The following NEK6 variants were observed in gnomAD, a reference collection of about 807,000 sequenced individuals.
NEK6 encodes NIMA related kinase 6.
A neutral mutation model predicts 43.5 loss-of-function variants in NEK6; 27 were observed. The ratio of observed to expected loss-of-function variants is 0.62; its 90% CI spans 0.46 to 0.86. NEK6 has a LOEUF of 0.86. Among genes scored for constraint, NEK6 ranks in the 40% least tolerant of loss-of-function variants. The probability of loss-of-function intolerance (pLI) is 0.00; values close to 1 mark genes in which losing one functional copy is unlikely to be tolerated. For synonymous variants in NEK6, 167 were observed against 164.1 expected (o/e 1.02, Z -0.14); for missense variants, 318 against 414.4 (o/e 0.77, Z 2.02).
At chr9:124,282,149 C>T (rs1262552281) in intron 1 of NEK6, among the ~76,000 whole-genome samples, 4 of 152,208 alleles carry the variant, frequency 2.6e-5, no homozygotes, top group Admixed American at 6.5e-5. Context: ...ATCCTGGAGG[C>T]GTGATGCCTG....
At position 124,292,101 on chromosome 9, in the gene NEK6, T is replaced by G. The variant is rs373285515; in HGVS notation, c.-29-9835T>G. 4.8e-4 allele frequency: 511 copies of G among 1,065,400 alleles called. 4 individuals carry two copies. In the African/African-American group the frequency reaches 8.1e-3, roughly 17 times the overall value. 66.0% of individuals were successfully genotyped at this position (1,065,400 alleles called of 1,614,324 possible). ...GCCACTTCAAAAGGTACCCTGACTT[T>G]CTCTGCCTCCTGCTGTGGGAACCGC... On this transcript the variant is annotated intron_variant, in intron 1 of 9. Coordinates refer to ENST00000320246, the MANE Select transcript of NEK6 (RefSeq NM_014397.6).
chr9:124,341,407 A>G lies in NEK6; in HGVS notation c.717+1742A>G, dbSNP rs2297227. On this transcript the variant is annotated intron_variant, in intron 8 of 9. Coordinates refer to ENST00000320246, the MANE Select transcript of NEK6 (RefSeq NM_014397.6). ...ACAAGAGGGTGGGACCCCTTCTCCC[A>G]GGGCTCAGCAGATGCAGGTGACAAG... Among the ~76,000 whole-genome samples, 10 of 16,404 alleles carry G rather than the reference A, an allele frequency of 6.1e-4. 3 individuals carry two copies. The highest frequency in any genetic ancestry group is 3.3e-3 in the Admixed American group (7 of 2,138). The allele number at this position is 16,404 out of a possible 152,430, so 10.8% of individuals were successfully genotyped here.
At chr9:124,320,295 C>T (rs1407833640) in intron 4 of NEK6, among the ~76,000 whole-genome samples, 1 of 152,168 alleles carries the variant, frequency 6.6e-6, no homozygotes, top group African/African-American at 2.4e-5. Flanking sequence ...GGAGCTGGGG[C>T]CAGTGGCTGA....
At chr9:124,337,950 C>T (rs77320260) in intron 7 of NEK6, among the ~76,000 whole-genome samples, 4,427 of 152,148 alleles carry the variant, frequency 0.029, 227 homozygotes, top group African/African-American at 0.1. Context: ...CAGATGGGTG[C>T]GTAATTGTAC....
At chr9:124,294,562 G>A (rs935925942) in intron 1 of NEK6, among the ~76,000 whole-genome samples, 1 of 152,088 alleles carries the variant, frequency 6.6e-6, no homozygotes, top group Non-Finnish European at 1.5e-5. Flanking sequence ...GTGGGACTTT[G>A]CCCATTGAGA....
Position 124,287,081 on chromosome 9 carries a change from G to A in NEK6, c.-29-14855G>A, listed in dbSNP as rs566434248. Among the ~76,000 whole-genome samples the A allele has an allele frequency of 7.9e-5, 12 of 152,298 alleles. 1 individual carries two copies. The South Asian group carries it at 8.3e-4, about 11-fold the overall frequency. On this transcript the variant is annotated intron_variant, in intron 1 of 9. Transcript: ENST00000320246. ...GGACAGAGGGACAGCTGGCCACACC[G>A]GGAAGCCTGGGGACAGACCCTGGGA...
intron 2 of NEK6, among the ~76,000 whole-genome samples, chr9:124,310,186 C>T (rs930520666): frequency 2.6e-5 from 4 of 152,228 alleles, no homozygotes; most frequent in African/African-American, 9.6e-5. Flanking sequence ...CTGATCAGAA[C>T]AGGTCACTGC....
At position 124,351,381 on chromosome 9, in the gene NEK6, A is replaced by G. The variant is rs2416; in HGVS notation, c.*434A>G. 77,877 of 160,860 alleles carry G rather than the reference A, an allele frequency of 0.48. 19,716 individuals are homozygous for G. Among genetic ancestry groups the G allele is most frequent in the Non-Finnish European group, 0.56 (41,301 of 73,464 alleles). The allele number at this position is 160,860 out of a possible 1,614,324, so 10.0% of individuals were successfully genotyped here. A position where few individuals can be genotyped will look rare whatever the true frequency, so the allele number is the denominator to read the frequency against. ...TAGTACCGGGTTCAGTTTAGTTCTT[A>G]GTATCTTTTCAATCAAGCTGTGTGC... On this transcript the variant is annotated 3_prime_UTR_variant, in exon 10 of 10. Coordinates refer to ENST00000320246, the MANE Select transcript of NEK6 (RefSeq NM_014397.6).
At chr9:124,340,779 C>T (rs1195250650) in intron 8 of NEK6, among the ~76,000 whole-genome samples, 7 of 152,352 alleles carry the variant, frequency 4.6e-5, no homozygotes, top group South Asian at 2.1e-4. Context: ...GGGCCTGCCT[C>T]GAGTGCTGCG....
At chr9:124,316,214 A>G (rs1833810789) in intron 4 of NEK6, among the ~76,000 whole-genome samples, 1 of 152,164 alleles carries the variant, frequency 6.6e-6, no homozygotes, top group African/African-American at 2.4e-5. Context: ...CCCAAACCCA[A>G]AACCTCTCAA....
chr9:124,278,708 G>A (rs1337338771), intron 1 of NEK6, among the ~76,000 whole-genome samples: 2 of 152,216 alleles, frequency 1.3e-5, no homozygotes, highest in Non-Finnish European at 2.9e-5. Flanking sequence ...CCGGCTGGAT[G>A]ACTTCATGTA....
In NEK6 at chr9:124,351,599, C is replaced by CAGCAGGT. The variant is rs1417346110; in HGVS notation, c.*652_*653insAGCAGGT. 2.6e-5 allele frequency: 4 copies of CAGCAGGT among 152,336 alleles called. No homozygotes were observed. The highest frequency in any genetic ancestry group is 2.0e-4 in the Admixed American group (3 of 15,290). The allele number at this position is 152,336 out of a possible 1,614,324, so 9.4% of individuals were successfully genotyped here. On this transcript the variant is annotated 3_prime_UTR_variant, in exon 10 of 10. Coordinates refer to ENST00000320246, the MANE Select transcript of NEK6 (RefSeq NM_014397.6). ...CTTGGCAGCCAGGCTGGGCCATCTT[C>CAGCAGGT]TCCTGGACACCTGCTGTGTACCAGG...
In NEK6 at chr9:124,326,202, T is replaced by TCA; in HGVS notation, c.406-127_406-126insAC. 6.4e-5 allele frequency: 8 copies of TCA among 124,050 alleles called. No homozygotes were observed. The highest frequency in any genetic ancestry group is 1.4e-4 in the Non-Finnish European group (7 of 50,616). The allele number at this position is 124,050 out of a possible 1,614,324, so 7.7% of individuals were successfully genotyped here. A position where few individuals can be genotyped will look rare whatever the true frequency, so the allele number is the denominator to read the frequency against. ...GCTTATTGTTTGCTCAGTGGCTCAA[T>TCA]CCCCCCCCCCCGCCCCTGCCAGGCA... is the stretch of plus-strand genomic sequence containing the variant. On this transcript the variant is annotated intron_variant, in intron 5 of 9. Transcript: ENST00000320246. This position sits in a 1 kb window ranked among gnomAD's most constrained non-coding sequence, Gnocchi z 4.5.
At chr9:124,340,244 G>A (rs1018934128) in intron 8 of NEK6, among the ~76,000 whole-genome samples, 9 of 151,930 alleles carry the variant, frequency 5.9e-5, no homozygotes, top group African/African-American at 1.9e-4. Context: ...GTTTCAGTGA[G>A]CCCAGACGTG....
chr9:124,314,615 C>T (rs571845467), intron 4 of NEK6, among the ~76,000 whole-genome samples: 14 of 152,044 alleles, frequency 9.2e-5, no homozygotes, highest in East Asian at 3.9e-4. Context: ...CTCAGTCTCC[C>T]GAGTAGCTGG....
At chr9:124,334,027 T>C (rs977015236) in intron 7 of NEK6, among the ~76,000 whole-genome samples, 2 of 152,210 alleles carry the variant, frequency 1.3e-5, no homozygotes, top group Non-Finnish European at 2.9e-5. Flanking sequence ...TCCACCCGCC[T>C]TGGCCTCCCA....
intron 8 of NEK6, among the ~76,000 whole-genome samples, chr9:124,344,200 G>C (rs982273829): frequency 6.6e-6 from 1 of 152,084 alleles, no homozygotes; most frequent in Non-Finnish European, 1.5e-5. Context: ...GGTACGTTGG[G>C]GCCCACCTGG....
chr9:124,342,259 A>T (rs1829670662), intron 8 of NEK6, among the ~76,000 whole-genome samples: 1 of 152,334 alleles, frequency 6.6e-6, no homozygotes, highest in Admixed American at 6.5e-5. Context: ...TGAGGGGAAG[A>T]GACAGGCGTT....
At position 124,351,787 on chromosome 9, in the gene NEK6, T is replaced by C. The variant is rs770738428; in HGVS notation, c.*840T>C. 4 of 152,270 alleles carry C rather than the reference T, an allele frequency of 2.6e-5. No individual in the cohort carries two copies. The highest frequency in any genetic ancestry group is 4.4e-5 in the Non-Finnish European group (3 of 68,052). 9.4% of individuals were successfully genotyped at this position (152,270 alleles called of 1,614,324 possible). A position where few individuals can be genotyped will look rare whatever the true frequency, so the allele number is the denominator to read the frequency against. On this transcript the variant is annotated 3_prime_UTR_variant, in exon 10 of 10. Transcript: ENST00000320246. ...TGACTTTGGGCTTGGGCAAGTTTCT[T>C]AGCCGTTCTGAGCCTTCATTTCCTC...
Sources: gnomAD v4.1 joint callset for allele counts (sites outside exome capture counted in the v4.1 genomes callset) on GRCh38, gnomAD v4.1.1 for gene constraint, Gnocchi (gnomAD v3.1) non-coding constraint, MANE v1.5 for transcripts, NCBI Gene and HGNC (gene_info 2026-07-23, HGNC 2026-07-21) for gene names.